Variants in KIAA2012 observed in about 807,000 individuals in gnomAD.
KIAA2012 encodes uncharacterized protein KIAA2012.
A neutral mutation model predicts 150.6 loss-of-function variants in KIAA2012; 125 were observed. The ratio of observed to expected loss-of-function variants is 0.83; its 90% CI spans 0.72 to 0.96. The LOEUF (loss-of-function observed/expected upper bound fraction) is 0.96, where lower values mean the gene tolerates loss of function less well. Ranked by LOEUF, KIAA2012 falls within the 40% of genes least tolerant of loss-of-function variation. KIAA2012 has a pLI of 0.00. For missense variants in KIAA2012, 1,219 were observed against 1,354.9 expected, an observed-to-expected ratio of 0.90 and a Z score of 1.57; for synonymous variants, 462 against 504.7, an observed-to-expected ratio of 0.92 and a Z score of 1.13.
chr2:202,084,408 C>T (rs976622707), intron 2 of KIAA2012, among the ~76,000 whole-genome samples: 1 of 152,212 alleles, frequency 6.6e-6, no homozygotes, highest in Admixed American at 6.5e-5. Flanking sequence ...CATGCCTCTG[C>T]ATTCAGAGAC....
At chr2:202,091,015 A>C (rs977532729) in intron 3 of KIAA2012, 86 bp downstream of exon 3, 4 of 1,435,382 alleles carry the variant, frequency 2.8e-6, no homozygotes, top group Non-Finnish European at 3.7e-6. Flanking sequence ...TCAAGACCTG[A>C]AACACCAGGA....
rs746760169 is a variant in KIAA2012, at chr2:202,074,971, C to T, written c.165C>T (p.Ser55=). ...PQDKNNASQH[S]WSLFLPKTFS... ...ATAAGAACAATGCCAGTCAGCACTCCTGGAGCCTCTTTCTCCCTAAAACTT... is the reference window on the plus strand; with the variant it reads ...ATAAGAACAATGCCAGTCAGCACTCTTGGAGCCTCTTTCTCCCTAAAACTT... Residue 55 remains serine, a synonymous_variant, in exon 2 of 24, where the codon TCC becomes TCT. Coordinates refer to ENST00000498697, the MANE Select transcript of KIAA2012 (RefSeq NM_001277372.4). 6.4e-7 allele frequency: 1 copy of T among 1,550,888 alleles called. No individual in the cohort carries two copies. Among genetic ancestry groups the T allele is most frequent in the South Asian group, 1.2e-5 (1 of 84,050 alleles).
chr2:202,099,218 G>A (rs940733550), intron 5 of KIAA2012, among the ~76,000 whole-genome samples: 1 of 152,028 alleles, frequency 6.6e-6, no homozygotes, highest in Admixed American at 6.6e-5. Context: ...TCAAACTCCT[G>A]AGCTCAAGCA....
intron 18 of KIAA2012, among the ~76,000 whole-genome samples, chr2:202,189,973 C>T (rs1454905841): frequency 6.6e-6 from 1 of 151,726 alleles, no homozygotes; most frequent in Non-Finnish European, 1.5e-5. Context: ...GCCTGCAGTC[C>T]CAGCTACTCA....
At chr2:202,135,189 G>T (rs1216182670) in intron 12 of KIAA2012, among the ~76,000 whole-genome samples, 1 of 152,222 alleles carries the variant, frequency 6.6e-6, no homozygotes, top group African/African-American at 2.4e-5. Context: ...GCCAAGGAAG[G>T]AATGTGTTTT....
At position 202,190,406 on chromosome 2, in the gene KIAA2012, A is replaced by G; in HGVS notation, c.2724A>G (p.Leu908=). The G allele has an allele frequency of 1.3e-6, 2 of 1,550,662 alleles. No homozygotes were observed. ...KYDAQESQVS[L]DGRSSPSQIA... ...ATGCCCAGGAAAGCCAAGTTTCTCT[A>G]GATGGAAGATCATCACCCTCTCAGA... is the stretch of plus-strand genomic sequence containing the variant. Residue 908 remains leucine (L), a synonymous_variant, in exon 19 of 24, where the codon CTA becomes CTG. Transcript: ENST00000498697.
chr2:202,164,237 C>A (rs1691713290), intron 14 of KIAA2012, among the ~76,000 whole-genome samples: 1 of 152,108 alleles, frequency 6.6e-6, no homozygotes, highest in African/African-American at 2.4e-5. Context: ...ACCAACTCTA[C>A]CTGCCATGTT....
intron 13 of KIAA2012, among the ~76,000 whole-genome samples, chr2:202,141,258 TCCCAAGGCACCCCTTCCACACCTGA>T (rs756353944): frequency 6.8e-4 from 103 of 152,070 alleles, no homozygotes; most frequent in Non-Finnish European, 1.3e-3. Context: ...TGGGAATGGT[TCCCAAGGCACCCCTTCCACACCTGA>T]CCCAAGGAGC....
At position 202,125,227 on chromosome 2, in the gene KIAA2012, C is replaced by CA. The variant is rs1411192715; in HGVS notation, c.1778dup (p.Asn593LysfsTer7). On this transcript the variant is annotated frameshift_variant, in exon 12 of 24. Transcript: ENST00000498697. LOFTEE classifies it high-confidence loss of function. ...ACTGTTTTTCAGCCTATGAATCTGTCAATTCAAATATCAGCCATGAAGAGG... is the reference window on the plus strand; with the variant it reads ...ACTGTTTTTCAGCCTATGAATCTGTCAAATTCAAATATCAGCCATGAAGAGG... 6.5e-7 allele frequency: 1 copy of CA among 1,549,834 alleles called. No individual in the cohort carries two copies. Among genetic ancestry groups the CA allele is most frequent in the Non-Finnish European group, 8.7e-7 (1 of 1,146,488 alleles).
intron 15 of KIAA2012, among the ~76,000 whole-genome samples, chr2:202,169,237 TATGA>T (rs1003323726): frequency 1.3e-5 from 2 of 152,222 alleles, no homozygotes; most frequent in Admixed American, 6.5e-5. Flanking sequence ...GAGTCAAATG[TATGA>T]ATGAATGAAT....
chr2:202,154,776 G>C lies in KIAA2012; in HGVS notation c.2012G>C (p.Arg671Pro). 1 of 1,549,320 alleles carries C rather than the reference G, an allele frequency of 6.5e-7. No homozygotes were observed. Among genetic ancestry groups the C allele is most frequent in the Middle Eastern group, 1.7e-4 (1 of 5,984 alleles). The part of the protein sequence containing the change: ...ICSNRKEFYT[R>P]KLHIDMTPFL... Reference sequence around the variant, plus strand: ...TCAAACAGAAAAGAATTTTACACGCGCAAGCTGCACATCGACATGACGCCG... The same window carrying C: ...TCAAACAGAAAAGAATTTTACACGCCCAAGCTGCACATCGACATGACGCCG... Residue 671 changes from arginine (R) to proline (P), a missense_variant, in exon 14 of 24, where the codon CGC becomes CCC. Coordinates refer to ENST00000498697, the MANE Select transcript of KIAA2012 (RefSeq NM_001277372.4).
At chr2:202,097,390 G>A (rs944444539) in intron 4 of KIAA2012, 45 bp from the exon 5 acceptor site, 25 of 1,546,198 alleles carry the variant, frequency 1.6e-5, no homozygotes, top group African/African-American at 2.7e-5. Flanking sequence ...AGAACACCAC[G>A]TCCATTTCCA....
At chr2:202,121,882 G>T (rs1690662050) in intron 11 of KIAA2012, among the ~76,000 whole-genome samples, 1 of 152,240 alleles carries the variant, frequency 6.6e-6, no homozygotes, top group Non-Finnish European at 1.5e-5. Context: ...TTCCAGGAAG[G>T]AGCCATTAAT....
Position 202,075,828 on chromosome 2 carries a change from G to T in KIAA2012, c.369+653G>T, listed in dbSNP as rs190487923. On this transcript the variant is annotated intron_variant, in intron 2 of 23. Coordinates refer to ENST00000498697, the MANE Select transcript of KIAA2012 (RefSeq NM_001277372.4). ...CTTTATAAAATTCTAGGTTAGAAATGGTGGGTGACTCCCTAATTTAAAAGT... is the reference window on the plus strand; with the variant it reads ...CTTTATAAAATTCTAGGTTAGAAATTGTGGGTGACTCCCTAATTTAAAAGT... Among the ~76,000 whole-genome samples, 44 of 152,318 alleles carry T rather than the reference G, an allele frequency of 2.9e-4. No homozygotes were observed. In the East Asian group the frequency reaches 7.7e-3, roughly 27 times the overall value.
chr2:202,100,733 G>A (rs529608878), intron 7 of KIAA2012, among the ~76,000 whole-genome samples: 1 of 152,282 alleles, frequency 6.6e-6, no homozygotes, highest in African/African-American at 2.4e-5. Flanking sequence ...ATTTCTTAAG[G>A]GGCAAGGGAT....
intron 18 of KIAA2012, among the ~76,000 whole-genome samples, chr2:202,189,776 A>G (rs1692293383): frequency 6.6e-6 from 1 of 151,936 alleles, no homozygotes; most frequent in African/African-American, 2.4e-5. Flanking sequence ...AGGTGATTCC[A>G]TTGCATGCTA....
At chr2:202,193,812 C>T (rs543718872) in intron 20 of KIAA2012, among the ~76,000 whole-genome samples, 1 of 152,282 alleles carries the variant, frequency 6.6e-6, no homozygotes, top group African/African-American at 2.4e-5. Context: ...AGATTCAGTC[C>T]AGAAAACACT....
At chr2:202,179,663 C>A in intron 15 of KIAA2012, 2 of 658,880 alleles carry the variant, frequency 3.0e-6, no homozygotes, top group South Asian at 2.7e-5. Context: ...TATACTCAGT[C>A]AGGTGGTGTT....
intron 23 of KIAA2012, 130 bp from the exon 24 acceptor site, chr2:202,204,868 C>CA (rs1160129499): frequency 2.0e-5 from 3 of 152,172 alleles, no homozygotes; most frequent in Non-Finnish European, 4.4e-5. Flanking sequence ...TCAATTCATT[C>CA]AATACTACTT....
Sources: gnomAD v4.1 joint callset for allele counts (sites outside exome capture counted in the v4.1 genomes callset) on GRCh38, gnomAD v4.1.1 for gene constraint, MANE v1.5 for transcripts, NCBI Gene and HGNC (gene_info 2026-07-23, HGNC 2026-07-21) for gene names.